Variants in NOTCH1 observed in about 807,000 individuals in gnomAD.
NOTCH1 encodes notch receptor 1.
A neutral mutation model predicts 254.8 loss-of-function variants in NOTCH1; 37 were observed. The observed-to-expected ratio is 0.15, with a 90% confidence interval of 0.11 to 0.19. The LOEUF is 0.19. Ranked by LOEUF, NOTCH1 falls within the 10% of genes least tolerant of loss-of-function variation. The probability of loss-of-function intolerance (pLI) is 1.00; values close to 1 mark genes in which losing one functional copy is unlikely to be tolerated. For missense variants in NOTCH1, 2,972 were observed against 3,708.6 expected (o/e 0.80, Z 5.16); for synonymous variants, 1,731 against 1,618.1 (o/e 1.07, Z -1.68).
chr9:136,504,247 G>A (rs951722994), intron 26 of NOTCH1, among the ~76,000 whole-genome samples: 1 of 152,220 alleles, frequency 6.6e-6, no homozygotes, highest in African/African-American at 2.4e-5. Context: ...ATGTTGCCCA[G>A]ACTGGTCTCG....
Position 136,505,696 on chromosome 9 carries a change from C to A in NOTCH1, c.4200G>T (p.Gln1400His). 6.2e-7 allele frequency: 1 copy of A among 1,608,232 alleles called. No individual in the cohort carries two copies. Among genetic ancestry groups the A allele is most frequent in the South Asian group, 1.1e-5 (1 of 90,720 alleles). ...TCTCGGATGTGGGCTCACAGGTCCCCTGGTTGTAGCAGGGGTTGCCGCCCA... is the reference window on the plus strand; with the variant it reads ...TCTCGGATGTGGGCTCACAGGTCCCATGGTTGTAGCAGGGGTTGCCGCCCA... The part of the protein sequence containing the change: ...PCLGGNPCYN[Q>H]GTCEPTSESP... The change falls in exon 25 of 34, where the codon CAG (glutamine) becomes CAT (histidine). Residue 1400 changes from glutamine to histidine, a missense_variant. Gln to His is a conservative substitution (Grantham distance 24, BLOSUM62 0). Around this residue, in one of 8 missense-constraint regions of NOTCH1, gnomAD observed 1,343 missense variants for 1,557.0 expected, o/e 0.86. Coordinates refer to ENST00000651671, the MANE Select transcript of NOTCH1 (RefSeq NM_017617.5).
rs1843269889 is a variant in NOTCH1, at chr9:136,516,194, C to T, written c.1556-100G>A. 2 of 848,202 alleles carry T rather than the reference C, an allele frequency of 2.4e-6. 1 individual carries two copies. Among genetic ancestry groups the T allele is most frequent in the South Asian group, 2.9e-5 (2 of 69,768 alleles). 52.5% of individuals were successfully genotyped at this position (848,202 alleles called of 1,614,324 possible). A position where few individuals can be genotyped will look rare whatever the true frequency, so the allele number is the denominator to read the frequency against. On this transcript the variant is annotated intron_variant, in intron 9 of 33. Coordinates refer to ENST00000651671, the MANE Select transcript of NOTCH1 (RefSeq NM_017617.5). ...CCAGCAGTGAGCGCCTGGCTGGGCT[C>T]CCCAGGGCACACTCAGCCTGAGCTC...
intron 2 of NOTCH1, among the ~76,000 whole-genome samples, chr9:136,542,166 G>A (rs543263815): frequency 6.6e-6 from 1 of 152,192 alleles, no homozygotes; most frequent in East Asian, 1.9e-4. Context: ...GGCCCAGGGA[G>A]ACCTCAGTCC....
At chr9:136,517,104 G>A (rs1843286357) in intron 9 of NOTCH1, among the ~76,000 whole-genome samples, 168 bp downstream of exon 9, 1 of 150,054 alleles carries the variant, frequency 6.7e-6, no homozygotes, top group African/African-American at 2.5e-5. Context: ...CACCCCTCAG[G>A]AGGCCGGGGT....
rs776243821 is a variant in NOTCH1, at chr9:136,507,291, G to A, written c.3643+14C>T. On this transcript the variant is annotated intron_variant, in intron 22 of 33. Transcript: ENST00000651671. ...TGGATGGCCAACACCAGCCCTCCGT[G>A]CAGCGGCCCTTACCCTGAGTGCCCC... 16 of 1,612,808 alleles carry A rather than the reference G, an allele frequency of 9.9e-6. 1 individual carries two copies. The highest frequency in any genetic ancestry group is 3.3e-4 in the Middle Eastern group (2 of 6,062).
intron 4 of NOTCH1, among the ~76,000 whole-genome samples, chr9:136,519,879 C>CA (rs1206527377): frequency 2.6e-5 from 4 of 152,240 alleles, no homozygotes; most frequent in Admixed American, 6.5e-5. Flanking sequence ...CCTGCATGCT[C>CA]AGAGCTCCCT....
In NOTCH1 at chr9:136,517,249, C is replaced by T. The variant is rs963239685; in HGVS notation, c.1555+23G>A. Reference sequence around the variant, plus strand: ...GGCCAGGGTGCAGACGACCCGGGGGCAGGGGGCGGGGGTGGCCCTCACCCG... The same window carrying T: ...GGCCAGGGTGCAGACGACCCGGGGGTAGGGGGCGGGGGTGGCCCTCACCCG... On this transcript the variant is annotated intron_variant, in intron 9 of 33. Transcript: ENST00000651671. The T allele has an allele frequency of 4.0e-6, 6 of 1,496,508 alleles. No homozygotes were observed. In the Admixed American group the frequency reaches 5.4e-5, roughly 14 times the overall value. 92.7% of individuals were successfully genotyped at this position (1,496,508 alleles called of 1,614,324 possible). A position where few individuals can be genotyped will look rare whatever the true frequency, so the allele number is the denominator to read the frequency against.
intron 15 of NOTCH1, 44 bp from the exon 16 acceptor site, chr9:136,511,315 G>C (rs1219378490): frequency 6.3e-7 from 1 of 1,578,154 alleles, no homozygotes; most frequent in African/African-American, 1.3e-5. Context: ...CTCACCCAGA[G>C]GGATCTCCCA....
Position 136,507,292 on chromosome 9 carries a change from C to G in NOTCH1, c.3643+13G>C, listed in dbSNP as rs759356560. On this transcript the variant is annotated intron_variant, in intron 22 of 33. Transcript: ENST00000651671. ...GGATGGCCAACACCAGCCCTCCGTG[C>G]AGCGGCCCTTACCCTGAGTGCCCCG... 2.5e-6 allele frequency: 4 copies of G among 1,612,846 alleles called. No homozygotes were observed. The Admixed American group carries it at 5.0e-5, about 20-fold the overall frequency.
Position 136,509,023 on chromosome 9 carries a change from G to T in NOTCH1, c.3018C>A (p.Thr1006=). The change falls in exon 19 of 34, where the codon ACC becomes ACA. Residue 1006 remains threonine, a synonymous_variant. Transcript: ENST00000651671. ...GTCVDGINSF[T]CLCPPGFTGS... is the part of the protein sequence containing the mutation. Reference sequence around the variant, plus strand: ...CCGTGAAGCCGGGTGGACACAGGCAGGTGAACGAGTTGATGCCGTCCACGC... The same window carrying T: ...CCGTGAAGCCGGGTGGACACAGGCATGTGAACGAGTTGATGCCGTCCACGC... 1 of 1,563,594 alleles carries T rather than the reference G, an allele frequency of 6.4e-7. No individual in the cohort carries two copies. Among genetic ancestry groups the T allele is most frequent in the Non-Finnish European group, 8.7e-7 (1 of 1,154,860 alleles).
At chr9:136,543,732 G>A (rs1589083953) in intron 2 of NOTCH1, 1 of 552,980 alleles carries the variant, frequency 1.8e-6, no homozygotes, top group South Asian at 2.0e-5. Flanking sequence ...GTTTCTTGGG[G>A]ACTTAAAGAA....
chr9:136,511,443 G>A (rs1843180656), intron 15 of NOTCH1, among the ~76,000 whole-genome samples, 172 bp from the exon 16 acceptor site: 1 of 152,138 alleles, frequency 6.6e-6, no homozygotes, highest in Non-Finnish European at 1.5e-5. Context: ...CCCTGACCCA[G>A]GGAGGAGTGG....
intron 2 of NOTCH1, among the ~76,000 whole-genome samples, chr9:136,536,161 G>T (rs1177877866): frequency 6.6e-6 from 1 of 152,160 alleles, no homozygotes; most frequent in Non-Finnish European, 1.5e-5. Flanking sequence ...CCACCCCTGG[G>T]GCAACCAGGC....
intron 2 of NOTCH1, among the ~76,000 whole-genome samples, chr9:136,536,296 C>A (rs547155892): frequency 1.3e-5 from 2 of 152,158 alleles, no homozygotes; most frequent in South Asian, 2.1e-4. Flanking sequence ...GGCGCTTCCC[C>A]GTCCCAAGGG....
chr9:136,510,414 C>T, intron 17 of NOTCH1: 1 of 608,800 alleles, frequency 1.6e-6, no homozygotes, highest in Non-Finnish European at 2.9e-6. Context: ...CAGTGAAGAG[C>T]CGTGGGAGGG....
chr9:136,535,157 T>C (rs192715161), intron 2 of NOTCH1, among the ~76,000 whole-genome samples: 1 of 149,070 alleles, frequency 6.7e-6, no homozygotes, highest in East Asian at 2.0e-4. Context: ...AGAGCCCTGG[T>C]GTCTGGGCTG....
rs975720035 is a variant in NOTCH1, at chr9:136,531,697, G to A, written c.141-7718C>T. Among the ~76,000 whole-genome samples, 6 of 152,230 alleles carry A rather than the reference G, an allele frequency of 3.9e-5. No homozygotes were observed. In the East Asian group the frequency reaches 7.7e-4, roughly 20 times the overall value. ...GCGTCGGCACTGGTGAAAGAGGGAC[G>A]AAGCCGAAGCCCACGCTGCCGGAGG... On this transcript the variant is annotated intron_variant, in intron 2 of 33. Coordinates refer to ENST00000651671, the MANE Select transcript of NOTCH1 (RefSeq NM_017617.5).
chr9:136,523,258 A>C, intron 3 of NOTCH1, 70 bp from the exon 4 acceptor site: 1 of 1,477,676 alleles, frequency 6.8e-7, no homozygotes, highest in Non-Finnish European at 9.2e-7. Context: ...CCCTCCCTTC[A>C]GGCCACCTGG....
At chr9:136,507,830 A>G in intron 21 of NOTCH1, 125 bp downstream of exon 21, 1 of 1,034,902 alleles carries the variant, frequency 9.7e-7, no homozygotes, top group South Asian at 1.3e-5. Context: ...CCCTCCCCTA[A>G]TGAGACTGAA....
Sources: gnomAD v4.1 joint callset for allele counts (sites outside exome capture counted in the v4.1 genomes callset) on GRCh38, gnomAD v4.1.1 for gene constraint, gnomAD v4.1.1 regional missense constraint, MANE v1.5 for transcripts, NCBI Gene and HGNC (gene_info 2026-07-23, HGNC 2026-07-21) for gene names.